The following PLCH1 variants were observed in gnomAD, a reference collection of about 807,000 sequenced individuals.
PLCH1 encodes 1-phosphatidylinositol 4,5-bisphosphate phosphodiesterase eta-1.
A neutral mutation model predicts 126.7 loss-of-function variants in PLCH1; 60 were observed. The ratio of observed to expected loss-of-function variants is 0.47; its 90% confidence interval spans 0.38 to 0.59. The LOEUF is 0.59. Among genes scored for constraint, PLCH1 ranks in the 20% least tolerant of loss-of-function variants. The probability of loss-of-function intolerance (pLI) is 0.00; values close to 1 mark genes in which losing one functional copy is unlikely to be tolerated. For synonymous variants in PLCH1, 719 were observed against 734.9 expected (o/e 0.98, Z 0.35); for missense variants, 1,723 against 2,040.0 (o/e 0.84, Z 2.99).
chr3:155,563,235 C>T (rs1231261978), intron 8 of PLCH1, among the ~76,000 whole-genome samples: 1 of 152,196 alleles, frequency 6.6e-6, no homozygotes, highest in Non-Finnish European at 1.5e-5. Flanking sequence ...TTAACTACCA[C>T]ATACCAAGTT....
chr3:155,469,486 G>A (rs373974918), intron 21 of PLCH1, among the ~76,000 whole-genome samples: 45 of 151,596 alleles, frequency 3.0e-4, no homozygotes, highest in South Asian at 1.5e-3. Flanking sequence ...CAAGGCGGCA[G>A]CGAGGCTGGG....
chr3:155,718,918 T>C (rs1044505635), intron 1 of PLCH1, among the ~76,000 whole-genome samples: 6 of 152,324 alleles, frequency 3.9e-5, no homozygotes, highest in Middle Eastern at 3.4e-3. Context: ...TTATCATTGT[T>C]CTCTCAATTT....
intron 4 of PLCH1, among the ~76,000 whole-genome samples, chr3:155,592,495 C>CATCTCCAA (rs1553849401): frequency 0.049 from 6,601 of 135,450 alleles, 189 homozygotes; most frequent in Middle Eastern, 0.093. Flanking sequence ...ACTCCATCTC[C>CATCTCCAA]AAAAAAAAAA....
chr3:155,628,765 T>C (rs896443908), intron 2 of PLCH1, among the ~76,000 whole-genome samples: 5 of 152,204 alleles, frequency 3.3e-5, no homozygotes, highest in Non-Finnish European at 5.9e-5. Context: ...GGAAAGGAAA[T>C]GGTATTTAAA....
At chr3:155,491,298 C>T (rs1716152384) in intron 18 of PLCH1, among the ~76,000 whole-genome samples, 1 of 152,162 alleles carries the variant, frequency 6.6e-6, no homozygotes, top group African/African-American at 2.4e-5. Flanking sequence ...GGGTCTTACT[C>T]TGTAGCTCAG....
chr3:155,652,095 C>G (rs1032000604), intron 2 of PLCH1, among the ~76,000 whole-genome samples: 4 of 152,196 alleles, frequency 2.6e-5, no homozygotes, highest in African/African-American at 9.7e-5. Context: ...CAGCAAAGCC[C>G]TTGGCAAAGA....
At chr3:155,611,148 C>T (rs1007921445) in intron 2 of PLCH1, among the ~76,000 whole-genome samples, 3 of 152,210 alleles carry the variant, frequency 2.0e-5, no homozygotes, top group African/African-American at 7.2e-5. Flanking sequence ...ACCTGTAATC[C>T]CAGCACTTTG....
chr3:155,716,529 G>T (rs1479054570), intron 1 of PLCH1, among the ~76,000 whole-genome samples: 1 of 152,192 alleles, frequency 6.6e-6, no homozygotes, highest in Non-Finnish European at 1.5e-5. Context: ...TTTACTAATG[G>T]TGGAAGATAA....
chr3:155,549,890 A>T lies in PLCH1; in HGVS notation c.1259T>A (p.Leu420Gln). ...IQQQRKIAQYLKGIFGDKLDL... is the reference protein window; with the variant it reads ...IQQQRKIAQYQKGIFGDKLDL... ...CAGTTTGTCTCCGAATATTCCTTTC[A>T]GGTACTGAGCAATCTTCCTTTGCTG... Residue 420 changes from leucine to glutamine, a missense_variant, in exon 10 of 23, where the codon CTG becomes CAG. Physicochemically the swap from Leu to Gln is moderately radical, Grantham distance 113. This residue lies in a region of PLCH1 where 776 missense variants were observed against 1,062.9 expected (regional missense o/e 0.73). Transcript: ENST00000460012. The T allele has an allele frequency of 3.7e-6, 6 of 1,613,342 alleles. No homozygotes were observed. The highest frequency in any genetic ancestry group is 4.2e-6 in the Non-Finnish European group (5 of 1,179,270).
At chr3:155,521,612 A>G (rs1355081634) in intron 11 of PLCH1, among the ~76,000 whole-genome samples, 1 of 152,218 alleles carries the variant, frequency 6.6e-6, no homozygotes, top group African/African-American at 2.4e-5. Flanking sequence ...TTGCAGAAAT[A>G]TGATCAGATA....
chr3:155,498,030 T>G (rs765240108), intron 14 of PLCH1, among the ~76,000 whole-genome samples: 7 of 152,204 alleles, frequency 4.6e-5, no homozygotes, highest in Non-Finnish European at 8.8e-5. Flanking sequence ...TTTTAAATTG[T>G]ATGCCATTCT....
At chr3:155,469,168 G>C (rs1324896840) in intron 21 of PLCH1, among the ~76,000 whole-genome samples, 11 of 152,310 alleles carry the variant, frequency 7.2e-5, no homozygotes, top group African/African-American at 2.6e-4. Context: ...GAGGTACCGG[G>C]TTCATCTCAC....
At chr3:155,714,792 A>G (rs1274506931) in intron 1 of PLCH1, among the ~76,000 whole-genome samples, 1 of 152,174 alleles carries the variant, frequency 6.6e-6, no homozygotes, top group Non-Finnish European at 1.5e-5. Flanking sequence ...CTGGACTTGA[A>G]TTGCTCATGT....
intron 3 of PLCH1, among the ~76,000 whole-genome samples, chr3:155,595,185 T>A (rs575186568): frequency 1.3e-5 from 2 of 152,228 alleles, no homozygotes; most frequent in East Asian, 3.9e-4. Context: ...AATGGCTAGA[T>A]TGTGGAGTGG....
Position 155,490,878 on chromosome 3 carries a change from A to G in PLCH1, c.2308-10T>C, listed in dbSNP as rs1178883629. On this transcript the variant is annotated splice_polypyrimidine_tract_variant and intron_variant, in intron 18 of 22. Transcript: ENST00000460012. The stretch of plus-strand genomic sequence containing the variant: ...CAAAAGGGTCAATGATCTATTAAGT[A>G]AAGAGAAAGTACTATTACAAATAAC... The G allele has an allele frequency of 1.0e-5, 14 of 1,377,180 alleles. No homozygotes were observed. The African/African-American group carries it at 1.6e-4, about 15-fold the overall frequency. The allele number at this position is 1,377,180 out of a possible 1,614,324, so 85.3% of individuals were successfully genotyped here. A position where few individuals can be genotyped will look rare whatever the true frequency, so the allele number is the denominator to read the frequency against.
chr3:155,605,579 T>C lies in PLCH1; in HGVS notation c.80-9201A>G, dbSNP rs76035199. Among the ~76,000 whole-genome samples the C allele has an allele frequency of 2.6e-5, 4 of 152,356 alleles. No individual in the cohort carries two copies. The East Asian group carries it at 5.8e-4, about 22-fold the overall frequency. The stretch of plus-strand genomic sequence containing the variant: ...GTCATCATTAGCCTTAAAAATCATC[T>C]TAAGCAGTTAAAATCCTTTTCAAGC... On this transcript the variant is annotated intron_variant, in intron 2 of 22. Transcript: ENST00000460012.
intron 21 of PLCH1, among the ~76,000 whole-genome samples, chr3:155,466,171 G>A (rs1333764736): frequency 6.6e-6 from 1 of 152,202 alleles, no homozygotes; most frequent in East Asian, 1.9e-4. Flanking sequence ...GTCACAGTAG[G>A]CCTTAGGTGA....
chr3:155,563,633 C>CAA (rs11356535), intron 8 of PLCH1, among the ~76,000 whole-genome samples: 1 of 139,280 alleles, frequency 7.2e-6, no homozygotes. Context: ...ACACACATGT[C>CAA]AAAAAAAAAA....
chr3:155,549,683 T>C (rs1725845835), intron 10 of PLCH1, 104 bp downstream of exon 10: 1 of 778,348 alleles, frequency 1.3e-6, no homozygotes, highest in Non-Finnish European at 2.1e-6. Context: ...CTTCATATAT[T>C]GATTCTAATT....
Sources: gnomAD v4.1 joint callset for allele counts (sites outside exome capture counted in the v4.1 genomes callset) on GRCh38, gnomAD v4.1.1 for gene constraint, gnomAD v4.1.1 regional missense constraint, MANE v1.5 for transcripts, NCBI Gene and HGNC (gene_info 2026-07-23, HGNC 2026-07-21) for gene names.